ERCC6: variants seen among roughly 807,000 people sequenced by gnomAD.
ERCC6 encodes the protein DNA excision repair protein ERCC-6.
A neutral mutation model predicts 158.7 loss-of-function variants in ERCC6; 116 were observed. The observed-to-expected ratio is 0.73, with a 90% CI of 0.63 to 0.85. The LOEUF (loss-of-function observed/expected upper bound fraction) is 0.85, where lower values mean the gene tolerates loss of function less well. Ranked by LOEUF, ERCC6 falls within the 40% of genes least tolerant of loss-of-function variation. The pLI is 0.00. For missense variants in ERCC6, 1,698 were observed against 1,799.4 expected (o/e 0.94, Z 1.02); for synonymous variants, 678 against 659.3 (o/e 1.03, Z -0.43).
intron 5 of ERCC6, among the ~76,000 whole-genome samples, chr10:49,519,287 C>G (rs922268180): frequency 2.6e-5 from 4 of 152,182 alleles, no homozygotes; most frequent in African/African-American, 9.7e-5. Flanking sequence ...CTCTACTTCA[C>G]AGTAAAACTG....
At chr10:49,503,958 T>C (rs1255466574) in intron 6 of ERCC6, 1 of 152,156 alleles carries the variant, frequency 6.6e-6, no homozygotes, top group Non-Finnish European at 1.5e-5. Flanking sequence ...AAGTTTGTCA[T>C]TTGACTGCTA....
chr10:49,499,922 A>G (rs1053105765), intron 7 of ERCC6, among the ~76,000 whole-genome samples: 1 of 133,312 alleles, frequency 7.5e-6, no homozygotes, highest in Non-Finnish European at 1.8e-5. Context: ...AATTTATTAC[A>G]TAAAGTTCAT....
chr10:49,514,795 G>A (rs1836898724), intron 5 of ERCC6, among the ~76,000 whole-genome samples: 1 of 152,202 alleles, frequency 6.6e-6, no homozygotes, highest in Admixed American at 6.5e-5. Context: ...TCTGTAGTAT[G>A]ATAGGTTTTC....
At chr10:49,490,498 G>C (rs1040177819) in intron 8 of ERCC6, among the ~76,000 whole-genome samples, 1 of 152,018 alleles carries the variant, frequency 6.6e-6, no homozygotes, top group Non-Finnish European at 1.5e-5. Context: ...AGGACTATAG[G>C]CGTGTGCCAC....
chr10:49,460,352 CA>C lies in ERCC6; in HGVS notation c.4062+20del. The C allele has an allele frequency of 6.4e-7, 1 of 1,572,360 alleles. No homozygotes were observed. The highest frequency in any genetic ancestry group is 8.8e-7 in the Non-Finnish European group (1 of 1,142,118). On this transcript the variant is annotated intron_variant, in intron 20 of 20. Transcript: ENST00000355832. The stretch of plus-strand genomic sequence containing the variant: ...ATCAAGCAAGTCTCACCCTGGAAAG[CA>C]AAAAGGTTATCTATATTACCTGGCA...
chr10:49,523,647 G>A (rs1837230125), intron 5 of ERCC6, among the ~76,000 whole-genome samples: 1 of 152,112 alleles, frequency 6.6e-6, no homozygotes, highest in African/African-American at 2.4e-5. Context: ...CTTCAAAAGG[G>A]AAAACAGAAA....
chr10:49,490,699 AATAAAG>A (rs1851160088), intron 8 of ERCC6, among the ~76,000 whole-genome samples: 1 of 152,236 alleles, frequency 6.6e-6, no homozygotes, highest in African/African-American at 2.4e-5. Context: ...GCATTTGGAA[AATAAAG>A]ATAATCTACT....
chr10:49,442,478 C>G, the ERCC6 span, among the ~76,000 whole-genome samples: 1 of 152,316 alleles, frequency 6.6e-6, no homozygotes, highest in East Asian at 1.9e-4. Flanking sequence ...CCCAAAGAAG[C>G]AGAAAGTTGA....
chr10:49,459,789 G>A (rs1850545827), intron 20 of ERCC6, among the ~76,000 whole-genome samples: 1 of 152,194 alleles, frequency 6.6e-6, no homozygotes, highest in Admixed American at 6.5e-5. Flanking sequence ...AACATGGGAA[G>A]TCAAAAAGGT....
intron 3 of ERCC6, among the ~76,000 whole-genome samples, chr10:49,529,105 G>A (rs755363678): frequency 2.6e-5 from 4 of 152,138 alleles, no homozygotes; most frequent in Non-Finnish European, 1.5e-5. Flanking sequence ...TCTTTGTCTT[G>A]TTCCCTTCCA....
chr10:49,444,292 C>A, the ERCC6 span, among the ~76,000 whole-genome samples: 1 of 152,328 alleles, frequency 6.6e-6, no homozygotes, highest in East Asian at 1.9e-4. Context: ...TCCTCAGCAG[C>A]CCAACCCAGC....
chr10:49,474,698 AAT>A (rs1205069176), intron 12 of ERCC6, among the ~76,000 whole-genome samples: 2 of 152,230 alleles, frequency 1.3e-5, no homozygotes, highest in Admixed American at 6.5e-5. Context: ...TCTGCAGTTT[AAT>A]ATGAGTCAGA....
intron 7 of ERCC6, among the ~76,000 whole-genome samples, chr10:49,493,506 A>G (rs984620937): frequency 1.3e-5 from 2 of 152,234 alleles, no homozygotes; most frequent in African/African-American, 4.8e-5. Flanking sequence ...ATTAAGAGAT[A>G]TAACATCTAT....
chr10:49,453,030 T>G (rs1850437964), downstream of ERCC6, among the ~76,000 whole-genome samples: 1 of 152,178 alleles, frequency 6.6e-6, no homozygotes, highest in Non-Finnish European at 1.5e-5. Flanking sequence ...AGTCTCTGCC[T>G]GATTAAATTC....
Position 49,455,751 on chromosome 10 carries a change from T to A in ERCC6, c.*3064A>T, listed in dbSNP as rs1396274043. 6.6e-6 allele frequency: 1 copy of A among 152,212 alleles called. No homozygotes were observed. Among genetic ancestry groups the A allele is most frequent in the Non-Finnish European group, 1.5e-5 (1 of 68,038 alleles). The allele number at this position is 152,212 out of a possible 1,614,324, so 9.4% of individuals were successfully genotyped here. Reference sequence around the variant, plus strand: ...ACTAATAGGCAATGTACGGTAGAGATCTACAAATGGCCAATAAACATGGAA... The same window carrying A: ...ACTAATAGGCAATGTACGGTAGAGAACTACAAATGGCCAATAAACATGGAA... On this transcript the variant is annotated 3_prime_UTR_variant, in exon 21 of 21. Coordinates refer to ENST00000355832, the MANE Select transcript of ERCC6 (RefSeq NM_000124.4).
At position 49,470,393 on chromosome 10, in the gene ERCC6, A is replaced by T; in HGVS notation, c.3567T>A (p.Ser1189Arg). The change falls in exon 18 of 21, where the codon AGT becomes AGA. Residue 1189 changes from serine to arginine, a missense_variant. Transcript: ENST00000355832. ...TCTCCAGGGTCTCTTCTTCTGCCAC[A>T]CTATGATGTTTTGTTTTTGACTTGT... ...YKHKSKTKHH[S>R]VAEEETLEKH... 1 of 1,614,078 alleles carries T rather than the reference A, an allele frequency of 6.2e-7. No individual in the cohort carries two copies.
chr10:49,524,250 C>G lies in ERCC6; in HGVS notation c.1180G>C (p.Asp394His). 1 of 1,614,110 alleles carries G rather than the reference C, an allele frequency of 6.2e-7. No individual in the cohort carries two copies. Among genetic ancestry groups the G allele is most frequent in the Non-Finnish European group, 8.5e-7 (1 of 1,180,032 alleles). Residue 394 changes from aspartate to histidine, a missense_variant, in exon 5 of 21, where the codon GAC becomes CAC. Transcript: ENST00000355832. ...EDDEVEGAEA[D>H]LSGDGTDYEL... The stretch of plus-strand genomic sequence containing the variant: ...TAGTCAGTACCATCTCCAGACAGGT[C>G]CGCCTCTGCCCCCTCCACCTCGTCA...
intron 3 of ERCC6, 132 bp downstream of exon 3, chr10:49,530,588 C>G: frequency 7.0e-7 from 1 of 1,433,502 alleles, no homozygotes; most frequent in Non-Finnish European, 9.3e-7. Flanking sequence ...AAAAGAAACC[C>G]AAAATTTCTC....
chr10:49,533,574 G>A (rs1220003963), intron 1 of ERCC6, among the ~76,000 whole-genome samples: 2 of 152,158 alleles, frequency 1.3e-5, no homozygotes, highest in African/African-American at 4.8e-5. Flanking sequence ...AGACCAGCCA[G>A]GGAAACACAG....
Sources: allele counts gnomAD v4.1 joint callset (sites outside exome capture counted in the v4.1 genomes callset), GRCh38; gene constraint gnomAD v4.1.1; transcripts MANE v1.5; gene names NCBI Gene and HGNC (gene_info 2026-07-23, HGNC 2026-07-21).